Variants in PKD1L1 observed in about 807,000 individuals in gnomAD.
The protein encoded by PKD1L1 is polycystin 1 like 1, transient receptor potential channel interacting.
A neutral mutation model predicts 323.4 loss-of-function variants in PKD1L1; 236 were observed. The observed-to-expected ratio is 0.73, with a 90% CI of 0.66 to 0.81. PKD1L1 has a LOEUF of 0.81. PKD1L1 is among the 40% of genes least tolerant of loss of function. The pLI, the probability that PKD1L1 is intolerant of heterozygous loss-of-function variation, is 0.00. For synonymous variants in PKD1L1, 1,344 were observed against 1,335.0 expected (o/e 1.01, Z -0.15); for missense variants, 3,320 against 3,508.0 (o/e 0.95, Z 1.35).
At chr7:47,804,351 C>G (rs1198742274) in intron 52 of PKD1L1, among the ~76,000 whole-genome samples, 6 of 151,948 alleles carry the variant, frequency 3.9e-5, no homozygotes, top group Admixed American at 3.9e-4. Context: ...TATAATTAAA[C>G]AGAGTAAATT....
chr7:47,931,381 G>T, intron 5 of PKD1L1, 60 bp from the exon 6 acceptor site: 4 of 1,565,328 alleles, frequency 2.6e-6, no homozygotes, highest in Non-Finnish European at 3.5e-6. Flanking sequence ...ATCAGTAGCT[G>T]ATGTCCGCCA....
intron 12 of PKD1L1, among the ~76,000 whole-genome samples, 174 bp downstream of exon 12, chr7:47,904,203 CT>C (rs1787149932): frequency 6.6e-6 from 1 of 152,166 alleles, no homozygotes; most frequent in South Asian, 2.1e-4. Flanking sequence ...TGTCTTTCCC[CT>C]GGACTAGGAG....
At chr7:47,818,353 G>T (rs901836180) in intron 46 of PKD1L1, among the ~76,000 whole-genome samples, 13 of 152,164 alleles carry the variant, frequency 8.5e-5, no homozygotes, top group Non-Finnish European at 1.9e-4. Context: ...ATCTGCTGTG[G>T]GAAGCAAGAT....
chr7:47,922,384 T>C (rs1012836703), intron 7 of PKD1L1, among the ~76,000 whole-genome samples: 1 of 151,234 alleles, frequency 6.6e-6, no homozygotes, highest in African/African-American at 2.4e-5. Flanking sequence ...TCGTCTGGGA[T>C]GTGAGGAGCC....
chr7:47,936,588 A>AGAT (rs1336191048), intron 4 of PKD1L1, among the ~76,000 whole-genome samples: 1 of 152,194 alleles, frequency 6.6e-6, no homozygotes, highest in Admixed American at 6.5e-5. Flanking sequence ...TTCAAAATAG[A>AGAT]GATGATGATG....
Position 47,846,968 on chromosome 7 carries a change from C to T in PKD1L1, c.5064G>A (p.Trp1688Ter). The T allele has an allele frequency of 6.2e-7, 1 of 1,613,950 alleles. No homozygotes were observed. Among genetic ancestry groups the T allele is most frequent in the Non-Finnish European group, 8.5e-7 (1 of 1,179,922 alleles). The part of the protein sequence containing the change: ...KAVNYTVHFQ[W>*]IRCLFWDKRE... ...TCTTGTCCCAAAACAGGCATCGGAT[C>T]CACTGGAAATGTACTGTATAGTTCA... Residue 1688 changes from tryptophan (W) to a stop codon, truncating the protein, a stop_gained, in exon 32 of 57, where the codon TGG (tryptophan) becomes TGA (stop). Transcript: ENST00000289672. LOFTEE classifies it high-confidence loss of function.
chr7:47,797,956 G>C (rs1784578329), intron 54 of PKD1L1, among the ~76,000 whole-genome samples: 1 of 152,108 alleles, frequency 6.6e-6, no homozygotes. Flanking sequence ...CTAAATAAAT[G>C]GAGAGAAATA....
upstream of PKD1L1, among the ~76,000 whole-genome samples, chr7:47,953,128 CTT>C (rs1203456764): frequency 6.6e-6 from 1 of 152,144 alleles, no homozygotes; most frequent in Admixed American, 6.5e-5. Context: ...TTGGTGATCA[CTT>C]TGATTTTTCT....
intron 53 of PKD1L1, 55 bp downstream of exon 53, chr7:47,803,155 T>C (rs1784701859): frequency 6.2e-7 from 1 of 1,602,846 alleles, no homozygotes; most frequent in Admixed American, 1.7e-5. Flanking sequence ...GGCTGACGAG[T>C]ACACAGATCA....
intron 46 of PKD1L1, chr7:47,818,191 A>G (rs781658567): frequency 7.3e-7 from 1 of 1,366,416 alleles, no homozygotes; most frequent in Admixed American, 1.9e-5. Context: ...GATGGGAGGC[A>G]TAAGGTGAGC....
intron 13 of PKD1L1, 107 bp from the exon 14 acceptor site, chr7:47,898,301 T>G (rs1787004962): frequency 2.2e-6 from 2 of 922,546 alleles, no homozygotes; most frequent in African/African-American, 1.7e-5. Flanking sequence ...ATTATTTGTT[T>G]GCATAGTGAC....
At chr7:47,798,992 A>C (rs1232333435) in intron 54 of PKD1L1, among the ~76,000 whole-genome samples, 1 of 152,202 alleles carries the variant, frequency 6.6e-6, no homozygotes, top group African/African-American at 2.4e-5. Context: ...TCACATATCC[A>C]ATTTAAAAAC....
chr7:47,880,938 A>T, intron 20 of PKD1L1, 133 bp from the exon 21 acceptor site: 1 of 551,702 alleles, frequency 1.8e-6, no homozygotes. Context: ...GAAACATGCC[A>T]CTCCTGCTTG....
intron 52 of PKD1L1, among the ~76,000 whole-genome samples, chr7:47,804,293 G>A (rs1333381452): frequency 4.6e-5 from 7 of 152,156 alleles, no homozygotes; most frequent in South Asian, 2.1e-4. Flanking sequence ...CAAGAAAAAT[G>A]CAATGCAAGC....
chr7:47,813,242 G>T lies in PKD1L1; in HGVS notation c.7225C>A (p.Pro2409Thr), dbSNP rs1188858244. ...GGGTTCTCAGGGCCTCCAACTTCGGGACTACATGTAGGAATAGAGTCTTCG... is the reference window on the plus strand; with the variant it reads ...GGGTTCTCAGGGCCTCCAACTTCGGTACTACATGTAGGAATAGAGTCTTCG... Reference protein sequence around the residue: ...LIEDSIPTCSPEVGGPENPYL... With the variant: ...LIEDSIPTCSTEVGGPENPYL... Residue 2409 changes from proline to threonine, a missense_variant, in exon 49 of 57, where the codon CCC becomes ACC. Physicochemically the swap from Pro to Thr is conservative, Grantham distance 38 (BLOSUM62 -1). Transcript: ENST00000289672. 2 of 1,614,182 alleles carry T rather than the reference G, an allele frequency of 1.2e-6. No homozygotes were observed. The highest frequency in any genetic ancestry group is 2.2e-5 in the South Asian group (2 of 91,074).
chr7:47,842,528 C>T (rs1785582628), intron 34 of PKD1L1, among the ~76,000 whole-genome samples: 1 of 152,176 alleles, frequency 6.6e-6, no homozygotes, highest in African/African-American at 2.4e-5. Context: ...ACCGCGGCAC[C>T]CCTGCTCCAC....
chr7:47,936,953 A>G lies in PKD1L1; in HGVS notation c.291T>C (p.Ile97=). The G allele has an allele frequency of 6.2e-7, 1 of 1,603,760 alleles. No individual in the cohort carries two copies. The highest frequency in any genetic ancestry group is 8.5e-7 in the Non-Finnish European group (1 of 1,175,424). The change falls in exon 4 of 57, where the codon ATT becomes ATC. Residue 97 remains isoleucine, a synonymous_variant. Coordinates refer to ENST00000289672, the MANE Select transcript of PKD1L1 (RefSeq NM_138295.5). ...PSSSASRQKN[I]WKTTSEAALS... Reference sequence around the variant, plus strand: ...ACGCTGCTTCACTAGTTGTTTTCCAAATGTTCTGTAAGAAAAAATAATAAA... The same window carrying G: ...ACGCTGCTTCACTAGTTGTTTTCCAGATGTTCTGTAAGAAAAAATAATAAA...
rs34069037 is a variant in PKD1L1, at chr7:47,834,464, G to A, written c.6128-79C>T. The A allele has an allele frequency of 0.13, 159,916 of 1,185,308 alleles. 14,219 individuals are homozygous for A. The highest frequency in any genetic ancestry group is 0.41 in the African/African-American group (26,998 of 66,308). The allele number at this position is 1,185,308 out of a possible 1,614,324, so 73.4% of individuals were successfully genotyped here. A position where few individuals can be genotyped will look rare whatever the true frequency, so the allele number is the denominator to read the frequency against. ...AACAGGGATATGTTTAAGGATTAGC[G>A]GGGACACTACTTTCTTCAGCAAATA... On this transcript the variant is annotated intron_variant, in intron 39 of 56. Transcript: ENST00000289672.
At chr7:47,863,138 A>AG (rs1265780448) in intron 26 of PKD1L1, among the ~76,000 whole-genome samples, 1 of 152,086 alleles carries the variant, frequency 6.6e-6, no homozygotes, top group African/African-American at 2.4e-5. Flanking sequence ...TGAATGGATG[A>AG]GGGGAAGAAA....
Sources: allele counts gnomAD v4.1 joint callset (sites outside exome capture counted in the v4.1 genomes callset), GRCh38; gene constraint gnomAD v4.1.1; transcripts MANE v1.5; gene names NCBI Gene and HGNC (gene_info 2026-07-23, HGNC 2026-07-21).